Variants in PCNT observed in about 807,000 individuals in gnomAD.
PCNT encodes the protein kendrin.
PCNT carries 319 observed loss-of-function variants against 380.4 expected under a neutral mutation model. The ratio of observed to expected loss-of-function variants is 0.84; its 90% CI spans 0.77 to 0.92. The LOEUF (loss-of-function observed/expected upper bound fraction) is 0.92. Ranked by LOEUF, PCNT falls within the 40% of genes least tolerant of loss-of-function variation. The pLI is 0.00. For missense variants in PCNT, 4,400 were observed against 4,255.3 expected, an observed-to-expected ratio of 1.03 and a Z score of -0.95; for synonymous variants, 1,845 against 1,735.2, an observed-to-expected ratio of 1.06 and a Z score of -1.57.
chr21:46,324,275 G>A lies in PCNT; in HGVS notation c.47G>A (p.Arg16Lys), dbSNP rs1182928684. ...EQRRRKVEAG[R>K]TKLAHFRQRK... ...CGGCGCAGAAAGGTGGAGGCCGGGA[G>A]GACGAAGGTAAACATTAGGGGCTTC... The change falls in exon 1 of 47, where the codon AGG (arginine) becomes AAG (lysine). Residue 16 changes from arginine to lysine, a missense_variant. Physicochemically the swap from Arg to Lys is conservative, Grantham distance 26 (BLOSUM62 2). Transcript: ENST00000359568. 2 of 1,611,106 alleles carry A rather than the reference G, an allele frequency of 1.2e-6. No homozygotes were observed. Among genetic ancestry groups the A allele is most frequent in the East Asian group, 4.5e-5 (2 of 44,788 alleles).
intron 27 of PCNT, among the ~76,000 whole-genome samples, chr21:46,403,357 C>T (rs13052192): frequency 5.5e-5 from 7 of 127,810 alleles, no homozygotes; most frequent in Non-Finnish European, 6.6e-5. Flanking sequence ...GGCGCGTGCT[C>T]GGTGAATGAA....
At position 46,367,072 on chromosome 21, in the gene PCNT, A is replaced by G; in HGVS notation, c.3098A>G (p.His1033Arg). The change falls in exon 15 of 47, where the codon CAC becomes CGC. Residue 1033 changes from histidine to arginine, a missense_variant. Transcript: ENST00000359568. Reference protein sequence around the residue: ...HEGELQSVRDHLRTEVSTELA... With the variant: ...HEGELQSVRDRLRTEVSTELA... ...GGGGAGCTACAGTCTGTGCGGGACCACCTGCGAACCGAAGTGAGCACAGAG... is the reference window on the plus strand; with the variant it reads ...GGGGAGCTACAGTCTGTGCGGGACCGCCTGCGAACCGAAGTGAGCACAGAG... 6.2e-7 allele frequency: 1 copy of G among 1,613,890 alleles called. No homozygotes were observed. Among genetic ancestry groups the G allele is most frequent in the Non-Finnish European group, 8.5e-7 (1 of 1,180,018 alleles).
chr21:46,349,615 T>A, intron 7 of PCNT, 69 bp from the exon 8 acceptor site: 2 of 1,533,010 alleles, frequency 1.3e-6, no homozygotes, highest in Admixed American at 3.3e-5. Flanking sequence ...TGCACCATTA[T>A]TGTCACTGAG....
intron 12 of PCNT, 130 bp downstream of exon 12, chr21:46,355,756 G>A: frequency 1.1e-6 from 1 of 886,832 alleles, no homozygotes; most frequent in Non-Finnish European, 1.8e-6. Flanking sequence ...TCTTCTTCTG[G>A]GGCTGACACC....
chr21:46,337,236 C>G (rs1339487019), intron 3 of PCNT, among the ~76,000 whole-genome samples: 1 of 152,190 alleles, frequency 6.6e-6, no homozygotes, highest in Non-Finnish European at 1.5e-5. Flanking sequence ...CTCAACCCCC[C>G]AAAGTGCTGG....
At position 46,435,962 on chromosome 21, in the gene PCNT, CAGTG is replaced by C. The variant is rs774898418; in HGVS notation, c.8813_8816del (p.Val2938GlufsTer16). The C allele has an allele frequency of 6.2e-7, 1 of 1,614,182 alleles. No homozygotes were observed. Among genetic ancestry groups the C allele is most frequent in the South Asian group, 1.1e-5 (1 of 91,088 alleles). On this transcript the variant is annotated frameshift_variant, in exon 39 of 47. Transcript: ENST00000359568. LOFTEE classifies it high-confidence loss of function. ...CATAAGATCAAGCAGCTTCAGCAGA[CAGTG>C]AGAGACCTGGAGTCGAAGGACGAGG...
At chr21:46,436,264 C>T (rs553759594) in intron 39 of PCNT, 116 bp downstream of exon 39, 11 of 1,159,002 alleles carry the variant, frequency 9.5e-6, no homozygotes, top group South Asian at 5.2e-5. Context: ...TTGCACTTAA[C>T]GCTCTAGTCC....
intron 31 of PCNT, 43 bp downstream of exon 31, chr21:46,418,349 TTTCCTAG>T (rs2087113069): frequency 1.7e-6 from 2 of 1,166,224 alleles, no homozygotes; most frequent in Admixed American, 1.8e-5. Flanking sequence ...ATTTCAGTGG[TTTCCTAG>T]CACAGAATAG....
chr21:46,383,099 T>C (rs1370661753), intron 16 of PCNT, among the ~76,000 whole-genome samples: 2 of 147,634 alleles, frequency 1.4e-5, no homozygotes, highest in African/African-American at 2.5e-5. Context: ...CGGAAGCGCA[T>C]TCACAGTGCT....
chr21:46,425,357 G>A lies in PCNT; in HGVS notation c.7180-474G>A, dbSNP rs1027343417. ...CAGGCAGCTTCACCCCACGCTGGTGGTCGGCACTGGCCTCAGCCGGACCAC... is the reference window on the plus strand; with the variant it reads ...CAGGCAGCTTCACCCCACGCTGGTGATCGGCACTGGCCTCAGCCGGACCAC... On this transcript the variant is annotated intron_variant, in intron 32 of 46. Transcript: ENST00000359568. This position sits in a 1 kb window ranked among gnomAD's most constrained non-coding sequence, Gnocchi z 4.2. 2.6e-4 allele frequency among the ~76,000 whole-genome samples: 40 copies of A among 152,366 alleles called. No individual in the cohort carries two copies. The highest frequency in any genetic ancestry group is 4.7e-4 in the Non-Finnish European group (32 of 68,038).
rs778654986 is a variant in PCNT at position 46,327,012 on chromosome 21, CA to C, written c.267+436del. 1.3e-3 allele frequency among the ~76,000 whole-genome samples: 165 copies of C among 125,050 alleles called. 1 individual carries two copies. Among genetic ancestry groups the C allele is most frequent in the East Asian group, 4.9e-3 (21 of 4,270 alleles). 82.0% of individuals were successfully genotyped at this position (125,050 alleles called of 152,430 possible). A position where few individuals can be genotyped will look rare whatever the true frequency, so the allele number is the denominator to read the frequency against. ...TGGGTGACAGAGCGAGACTCTCTCT[CA>C]AAAAAAAAAAAACAGTGAGTAAATT... is the stretch of plus-strand genomic sequence containing the variant. On this transcript the variant is annotated intron_variant, in intron 2 of 46. Coordinates refer to ENST00000359568, the MANE Select transcript of PCNT (RefSeq NM_006031.6).
At chr21:46,409,475 A>T (rs2086717484) in intron 27 of PCNT, among the ~76,000 whole-genome samples, 1 of 152,198 alleles carries the variant, frequency 6.6e-6, no homozygotes, top group South Asian at 2.1e-4. Flanking sequence ...GGCGTGAGCC[A>T]CTGTGCCCCG....
intron 16 of PCNT, among the ~76,000 whole-genome samples, chr21:46,382,305 A>C (rs1289622497): frequency 6.8e-6 from 1 of 146,468 alleles, no homozygotes; most frequent in Non-Finnish European, 1.5e-5. Flanking sequence ...TTGTGCATTC[A>C]GTGGTGGAAG....
chr21:46,417,184 C>CTTTTTTTTTTTT (rs71318076), intron 30 of PCNT, among the ~76,000 whole-genome samples: 2 of 73,344 alleles, frequency 2.7e-5, no homozygotes, highest in African/African-American at 4.9e-5. Context: ...GGAATGCTTC[C>CTTTTTTTTTTTT]TTTTTTTTTT....
intron 15 of PCNT, among the ~76,000 whole-genome samples, chr21:46,381,461 G>A (rs1410189102): frequency 1.3e-5 from 2 of 152,134 alleles, no homozygotes; most frequent in Non-Finnish European, 2.9e-5. Context: ...GCTGTCACCA[G>A]TGCGAACTTG....
At position 46,391,208 on chromosome 21, in the gene PCNT, G is replaced by C. The variant is rs768780649; in HGVS notation, c.4048G>C (p.Val1350Leu). ...GGTGGAGACAGCAGATCTGAAGGAG[G>C]TGCTGGCCGGGAAGGAGGATTCCGA... The part of the protein sequence containing the change: ...FKVETADLKE[V>L]LAGKEDSEHR... The change falls in exon 21 of 47, where the codon GTG becomes CTG. Residue 1350 changes from valine (V) to leucine (L), a missense_variant. Physicochemically the swap from Val to Leu is conservative, Grantham distance 32. Coordinates refer to ENST00000359568, the MANE Select transcript of PCNT (RefSeq NM_006031.6). The C allele has an allele frequency of 1.9e-6, 3 of 1,609,340 alleles. No homozygotes were observed. The African/African-American group carries it at 4.0e-5, about 21-fold the overall frequency.
intron 4 of PCNT, among the ~76,000 whole-genome samples, chr21:46,346,484 A>G (rs928405065): frequency 1.3e-5 from 2 of 152,180 alleles, no homozygotes; most frequent in Non-Finnish European, 2.9e-5. Context: ...CCCTCCAGGT[A>G]CACACAGTGC....
intron 8 of PCNT, 82 bp from the exon 9 acceptor site, chr21:46,351,347 A>G: frequency 1.2e-6 from 1 of 808,006 alleles, no homozygotes; most frequent in Non-Finnish European, 2.2e-6. Flanking sequence ...TCGCAGTGGC[A>G]GGGATAAAAC....
Position 46,388,936 on chromosome 21 carries a change from G to A in PCNT, c.3607+52G>A. ...GCCCTGTGCTTGCAGCCCCTCTGTG[G>A]TCCTGGAGCTCTCTGAGAGGAGCCT... On this transcript the variant is annotated intron_variant, in intron 18 of 46. Coordinates refer to ENST00000359568, the MANE Select transcript of PCNT (RefSeq NM_006031.6). This position sits in a 1 kb window ranked among gnomAD's most constrained non-coding sequence, Gnocchi z 4.2. 1 of 1,548,264 alleles carries A rather than the reference G, an allele frequency of 6.5e-7. No individual in the cohort carries two copies. The highest frequency in any genetic ancestry group is 8.7e-7 in the Non-Finnish European group (1 of 1,152,720).
Sources: allele counts gnomAD v4.1 joint callset (sites outside exome capture counted in the v4.1 genomes callset), GRCh38; gene constraint gnomAD v4.1.1; non-coding constraint Gnocchi (gnomAD v3.1); transcripts MANE v1.5; gene names NCBI Gene and HGNC (gene_info 2026-07-23, HGNC 2026-07-21).